The following LHFPL1 variants were observed in gnomAD, a reference collection of about 807,000 sequenced individuals.
LHFPL1 encodes LHFPL tetraspan subfamily member 1, also known as LHFPL tetraspan subfamily member 1 protein.
LHFPL1 carries 4 observed loss-of-function variants against 12.1 expected under a neutral mutation model. The observed-to-expected ratio is 0.33, with a 90% CI of 0.16 to 0.76. The LOEUF is 0.76. Ranked by LOEUF, LHFPL1 falls within the 30% of genes least tolerant of loss-of-function variation. The pLI is 0.61. For missense variants in LHFPL1, 141 were observed against 174.1 expected (o/e 0.81, Z 1.07); for synonymous variants, 52 against 61.9 (o/e 0.84, Z 0.75).
In LHFPL1 at chrX:112,673,331, G is replaced by T. The variant is rs773391602; in HGVS notation, c.-14-1927C>A. Among the ~76,000 whole-genome samples the T allele has an allele frequency of 1.2e-4, 13 of 111,579 alleles. No individual in the cohort carries two copies. In the South Asian group the frequency reaches 5.0e-3, roughly 43 times the overall value. ...GAATTAGGCTTTGTGGCTGAGAATG[G>T]GAGAAATGAGAGAAAGATGTGATGA... On this transcript the variant is annotated intron_variant, in intron 1 of 3. Coordinates refer to ENST00000371968, the MANE Select transcript of LHFPL1 (RefSeq NM_178175.4).
intron 3 of LHFPL1, among the ~76,000 whole-genome samples, chrX:112,634,903 C>T (rs1267624453): frequency 9.1e-6 from 1 of 109,966 alleles, no homozygotes; most frequent in Non-Finnish European, 1.9e-5. Flanking sequence ...CCACATCCCT[C>T]CCCACAACTC....
Position 112,675,685 on chromosome X carries a change from T to C in LHFPL1, c.-15+4144A>G, listed in dbSNP as rs146509800. On this transcript the variant is annotated intron_variant, in intron 1 of 3. Transcript: ENST00000371968. Reference sequence around the variant, plus strand: ...CCTGGGACTCAGGGGTTTCCTGGGATGTGGAATTTTTAGTGATAAAACCAG... The same window carrying C: ...CCTGGGACTCAGGGGTTTCCTGGGACGTGGAATTTTTAGTGATAAAACCAG... Among the ~76,000 whole-genome samples, 414 of 111,515 alleles carry C rather than the reference T, an allele frequency of 3.7e-3. 1 individual carries two copies. Among genetic ancestry groups the C allele is most frequent in the African/African-American group, 0.013 (399 of 30,643 alleles).
At chrX:112,655,802 C>G (rs1271434299) in intron 3 of LHFPL1, among the ~76,000 whole-genome samples, 3 of 111,550 alleles carry the variant, frequency 2.7e-5, no homozygotes, top group Non-Finnish European at 5.6e-5. Context: ...CTCCTGGGCT[C>G]AAGTGATCCA....
intron 1 of LHFPL1, among the ~76,000 whole-genome samples, chrX:112,676,559 T>C (rs922290494): frequency 8.9e-6 from 1 of 112,202 alleles, no homozygotes; most frequent in African/African-American, 3.2e-5. Flanking sequence ...AGGATAAAAA[T>C]ATGAGTTCTG....
Position 112,671,321 on chromosome X carries a change from A to G in LHFPL1, c.70T>C (p.Ser24Pro). ...CAGTAAGGTAGGAAGTAACTGGTAG[A>G]ACTGGTCACAGCAGTAACAAGGGAC... ...FLSLVTAVTS[S>P]TSYFLPYWLF... Residue 24 changes from serine to proline, a missense_variant, in exon 2 of 4, where the codon TCT becomes CCT. Transcript: ENST00000371968. 1 of 1,211,812 alleles carries G rather than the reference A, an allele frequency of 8.3e-7. No individual in the cohort carries two copies.
chrX:112,644,549 A>G (rs1213312552), intron 3 of LHFPL1, among the ~76,000 whole-genome samples: 26 of 110,798 alleles, frequency 2.3e-4, no homozygotes, highest in Admixed American at 2.2e-3. Context: ...GTGAAATTAG[A>G]TCAAAGACCT....
rs7064462 is a variant in LHFPL1 at position 112,671,016 on chromosome X, A to G, written c.375T>C (p.Phe125=). The G allele has an allele frequency of 0.1, 123,015 of 1,205,110 alleles. 11,525 individuals carry two copies. Among genetic ancestry groups the G allele is most frequent in the African/African-American group, 0.65 (36,610 of 56,618 alleles). Residue 125 remains phenylalanine, a synonymous_variant, in exon 2 of 4, where the codon TTT becomes TTC. Coordinates refer to ENST00000371968, the MANE Select transcript of LHFPL1 (RefSeq NM_178175.4). ...MMGRCMGAAQ[F]VGGLLISSGC... is the part of the protein sequence containing the mutation. Reference sequence around the variant, plus strand: ...CCAGAAGCACAGTCTTACCTCCAACAAACTGCGCTGCTCCCATGCAACGTC... The same window carrying G: ...CCAGAAGCACAGTCTTACCTCCAACGAACTGCGCTGCTCCCATGCAACGTC...
At chrX:112,665,686 A>G (rs1455713582) in intron 2 of LHFPL1, among the ~76,000 whole-genome samples, 1 of 111,515 alleles carries the variant, frequency 9.0e-6, no homozygotes, top group Non-Finnish European at 1.9e-5. Context: ...CTATCACAAA[A>G]CATACCAAAT....
intron 3 of LHFPL1, among the ~76,000 whole-genome samples, chrX:112,647,157 C>T (rs181366132): frequency 2.7e-5 from 3 of 111,960 alleles, no homozygotes; most frequent in African/African-American, 6.5e-5. Flanking sequence ...ATTTATAACA[C>T]GACAGTTTTA....
At chrX:112,659,644 C>A (rs1215818065) in intron 3 of LHFPL1, among the ~76,000 whole-genome samples, 1 of 112,014 alleles carries the variant, frequency 8.9e-6, no homozygotes, top group Admixed American at 9.4e-5. Context: ...TTTGCTGAAT[C>A]TTTAGCTTTT....
intron 1 of LHFPL1, among the ~76,000 whole-genome samples, chrX:112,675,033 C>T (rs1236309565): frequency 8.9e-6 from 1 of 111,804 alleles, no homozygotes; most frequent in East Asian, 2.8e-4. Context: ...GAAAACTGAA[C>T]ATCATATTTC....
At chrX:112,646,655 T>G (rs1371789123) in intron 3 of LHFPL1, among the ~76,000 whole-genome samples, 1 of 110,373 alleles carries the variant, frequency 9.1e-6, no homozygotes, top group African/African-American at 3.3e-5. Context: ...CCAATGGGGA[T>G]CTCTTTCAGA....
intron 3 of LHFPL1, among the ~76,000 whole-genome samples, chrX:112,634,610 A>G (rs186904938): frequency 1.8e-5 from 2 of 111,947 alleles, no homozygotes; most frequent in Non-Finnish European, 3.8e-5. Flanking sequence ...AAGAGAATAA[A>G]TGCATAGCAT....
intron 3 of LHFPL1, among the ~76,000 whole-genome samples, chrX:112,642,521 G>A (rs1930542894): frequency 9.3e-6 from 1 of 107,859 alleles, no homozygotes; most frequent in Admixed American, 9.8e-5. Context: ...GAATTCACCT[G>A]ACTTTACTGC....
At chrX:112,631,646 T>C (rs1335542088) in intron 3 of LHFPL1, 45 bp from the exon 4 acceptor site, 1 of 969,235 alleles carries the variant, frequency 1.0e-6, no homozygotes, top group South Asian at 2.4e-5. Context: ...TGTCTTTTCA[T>C]ATTTTCTCTT....
rs948264381 is a variant in LHFPL1 at position 112,659,448 on chromosome X, C to T, written c.481+1179G>A. 3.7e-5 allele frequency among the ~76,000 whole-genome samples: 4 copies of T among 108,402 alleles called. No individual in the cohort carries two copies. The East Asian group carries it at 8.9e-4, about 24-fold the overall frequency. 94.1% of individuals were successfully genotyped at this position (108,402 alleles called of 115,157 possible). A position where few individuals can be genotyped will look rare whatever the true frequency, so the allele number is the denominator to read the frequency against. ...GCACTCCAGCCTGGGTGACAGAGGG[C>T]GGCTCCATCTCAAAAAAAAAAAATT... On this transcript the variant is annotated intron_variant, in intron 3 of 3. Transcript: ENST00000371968.
intron 1 of LHFPL1, among the ~76,000 whole-genome samples, chrX:112,672,805 T>G (rs937417634): frequency 8.9e-6 from 1 of 112,199 alleles, no homozygotes; most frequent in Non-Finnish European, 1.9e-5. Flanking sequence ...ATTTCAAGTT[T>G]GTTTAGTGAA....
chrX:112,670,997 G>A lies in LHFPL1; in HGVS notation c.382+12C>T, dbSNP rs760099546. On this transcript the variant is annotated intron_variant, in intron 2 of 3. Coordinates refer to ENST00000371968, the MANE Select transcript of LHFPL1 (RefSeq NM_178175.4). The stretch of plus-strand genomic sequence containing the variant: ...CTACCCAACCTACCCAATCCCAGAA[G>A]CACAGTCTTACCTCCAACAAACTGC... 3 of 1,198,571 alleles carry A rather than the reference G, an allele frequency of 2.5e-6. No homozygotes were observed. In the Admixed American group the frequency reaches 6.6e-5, roughly 26 times the overall value.
intron 2 of LHFPL1, among the ~76,000 whole-genome samples, chrX:112,670,070 T>C (rs1361258005): frequency 8.9e-6 from 1 of 112,105 alleles, no homozygotes; most frequent in Non-Finnish European, 1.9e-5. Flanking sequence ...AATCCAAGTT[T>C]CCTGGCTCTA....
Sources: allele counts gnomAD v4.1 joint callset (sites outside exome capture counted in the v4.1 genomes callset), GRCh38; gene constraint gnomAD v4.1.1; transcripts MANE v1.5; gene names NCBI Gene and HGNC (gene_info 2026-07-23, HGNC 2026-07-21).